Variants in ADGRG2 observed in about 807,000 individuals in gnomAD.
ADGRG2 encodes the protein adhesion G protein-coupled receptor G2.
In ADGRG2, 26 loss-of-function variants were observed where a neutral mutation model predicts 74.1. The observed-to-expected ratio is 0.35, with a 90% CI of 0.26 to 0.49. The LOEUF is 0.49. Ranked by LOEUF, ADGRG2 falls within the 20% of genes least tolerant of loss-of-function variation. The pLI is 0.99. For missense variants in ADGRG2, 619 were observed against 763.1 expected, an observed-to-expected ratio of 0.81 and a Z score of 2.22; for synonymous variants, 296 against 295.2, an observed-to-expected ratio of 1.00 and a Z score of -0.03.
chrX:18,992,940 T>G (rs1329286797), intron 28 of ADGRG2, among the ~76,000 whole-genome samples: 1 of 112,019 alleles, frequency 8.9e-6, no homozygotes, highest in Non-Finnish European at 1.9e-5. Flanking sequence ...CAGATGACCC[T>G]GCTCGCTCCT....
chrX:19,101,976 A>G lies in ADGRG2; in HGVS notation c.-46-19230T>C, dbSNP rs969466517. 5.4e-5 allele frequency among the ~76,000 whole-genome samples: 6 copies of G among 110,987 alleles called. No individual in the cohort carries two copies. In the Admixed American group the frequency reaches 5.7e-4, roughly 11 times the overall value. ...AGTGTTCTGATTGCCTGAGCTAATT[A>G]TCCACAAGCAGCTGTTCCCAGCAAT... On this transcript the variant is annotated intron_variant, in intron 1 of 28. Coordinates refer to ENST00000379869, the MANE Select transcript of ADGRG2 (RefSeq NM_001079858.3).
rs768512200 is a variant in ADGRG2, at chrX:19,007,270, C to T, written c.1654G>A (p.Val552Met). 5 of 1,208,530 alleles carry T rather than the reference C, an allele frequency of 4.1e-6. No individual in the cohort carries two copies. Among genetic ancestry groups the T allele is most frequent in the South Asian group, 3.5e-5 (2 of 56,797 alleles). The part of the protein sequence containing the change: ...NLTVRNLTRN[V>M]TVTLKHINPS... The stretch of plus-strand genomic sequence containing the variant: ...TTGATGTGCTTTAATGTGACTGTCA[C>T]GTTTCTTGTCAAGTTCCTGACGGTC... The change falls in exon 20 of 29, where the codon GTG (valine) becomes ATG (methionine). Residue 552 changes from valine to methionine, a missense_variant. Val to Met is a conservative substitution (Grantham distance 21). This residue lies in a region of ADGRG2 where 221 missense variants were observed against 340.6 expected (regional missense o/e 0.65). Coordinates refer to ENST00000379869, the MANE Select transcript of ADGRG2 (RefSeq NM_001079858.3).
chrX:19,047,536 A>G (rs770925434), intron 3 of ADGRG2, among the ~76,000 whole-genome samples: 1 of 112,352 alleles, frequency 8.9e-6, no homozygotes, highest in South Asian at 3.7e-4. Flanking sequence ...TTCTTCCCCA[A>G]GTTGGATGGG....
intron 3 of ADGRG2, among the ~76,000 whole-genome samples, chrX:19,041,336 T>C (rs1176810279): frequency 8.9e-6 from 1 of 112,198 alleles, no homozygotes; most frequent in Admixed American, 9.5e-5. Context: ...AAATGTTGTT[T>C]GCAAAATGCC....
chrX:19,079,258 T>C (rs2061804434), intron 2 of ADGRG2, among the ~76,000 whole-genome samples: 1 of 111,714 alleles, frequency 9.0e-6, no homozygotes, highest in Admixed American at 9.5e-5. Context: ...TGAACTCACT[T>C]TTACAAGGCT....
intron 3 of ADGRG2, among the ~76,000 whole-genome samples, chrX:19,063,070 C>G (rs972299652): frequency 1.8e-5 from 2 of 109,922 alleles, no homozygotes; most frequent in Non-Finnish European, 3.8e-5. Context: ...GTGCCAAAAC[C>G]CATTCTGGTA....
chrX:19,116,662 T>C (rs1267485780), intron 1 of ADGRG2, among the ~76,000 whole-genome samples: 3 of 110,356 alleles, frequency 2.7e-5, no homozygotes, highest in Non-Finnish European at 5.7e-5. Flanking sequence ...AAGAGAGAAA[T>C]AGGTAGTTAC....
intron 20 of ADGRG2, among the ~76,000 whole-genome samples, chrX:19,006,628 T>C (rs1054025734): frequency 9.0e-6 from 1 of 110,815 alleles, no homozygotes; most frequent in African/African-American, 3.3e-5. Flanking sequence ...TCGTAGATGA[T>C]GCTTAGTGTG....
chrX:19,086,851 G>C (rs1339707697), intron 1 of ADGRG2, among the ~76,000 whole-genome samples: 2 of 111,738 alleles, frequency 1.8e-5, no homozygotes, highest in Non-Finnish European at 3.8e-5. Context: ...GACAGGCACA[G>C]ACTGGCTCGA....
At chrX:19,008,292 G>A (rs958239438) in intron 18 of ADGRG2, among the ~76,000 whole-genome samples, 169 bp from the exon 19 acceptor site, 2 of 111,518 alleles carry the variant, frequency 1.8e-5, no homozygotes, top group Non-Finnish European at 3.8e-5. Context: ...AAAACGCAGG[G>A]TTCTGTAAGG....
At chrX:19,020,971 G>A in intron 14 of ADGRG2, 133 bp downstream of exon 14, 1 of 469,759 alleles carries the variant, frequency 2.1e-6, no homozygotes, top group Non-Finnish European at 3.6e-6. Flanking sequence ...AAAAGAGAGA[G>A]AAATTGCCCA....
chrX:19,097,333 A>G (rs1236731868), intron 1 of ADGRG2, among the ~76,000 whole-genome samples: 7 of 112,408 alleles, frequency 6.2e-5, no homozygotes, highest in African/African-American at 1.9e-4. Flanking sequence ...CCAACATGGC[A>G]AAACCCCATC....
intron 14 of ADGRG2, 114 bp downstream of exon 14, chrX:19,020,990 G>T: frequency 2.0e-6 from 1 of 507,649 alleles, no homozygotes; most frequent in East Asian, 3.8e-5. Flanking sequence ...CAAGGACAAA[G>T]GAGTCAAAAC....
intron 3 of ADGRG2, among the ~76,000 whole-genome samples, chrX:19,054,197 G>C (rs1254085579): frequency 2.7e-5 from 3 of 111,993 alleles, no homozygotes; most frequent in Non-Finnish European, 3.8e-5. Context: ...TTTGCTTCCA[G>C]TTTCTAAAAT....
intron 20 of ADGRG2, among the ~76,000 whole-genome samples, chrX:19,006,647 T>C (rs1258098551): frequency 9.1e-6 from 1 of 110,351 alleles, no homozygotes; most frequent in East Asian, 2.8e-4. Flanking sequence ...TGAACTGAGC[T>C]GAGAATCAGA....
intron 13 of ADGRG2, among the ~76,000 whole-genome samples, chrX:19,022,869 G>A (rs988317390): frequency 9.0e-6 from 1 of 111,378 alleles, no homozygotes; most frequent in African/African-American, 3.3e-5. Context: ...GCTAATTTTT[G>A]TATTTTTAGT....
At chrX:19,068,630 C>G in intron 3 of ADGRG2, 87 bp downstream of exon 3, 1 of 454,897 alleles carries the variant, frequency 2.2e-6, no homozygotes, top group Non-Finnish European at 3.8e-6. Flanking sequence ...TGTTATTTTA[C>G]CACAGTAAAA....
Position 18,990,847 on chromosome X carries a change from A to AT in ADGRG2, c.*16dup, listed in dbSNP as rs1263746868. On this transcript the variant is annotated 3_prime_UTR_variant, in exon 29 of 29. Transcript: ENST00000379869. Reference sequence around the variant, plus strand: ...TCACACTGTCAAGCATCATGCTTTGATTTTAGAAGAAAGGAATCACATTTG... The same window carrying AT: ...TCACACTGTCAAGCATCATGCTTTGATTTTTAGAAGAAAGGAATCACATTTG... The AT allele has an allele frequency of 1.7e-6, 2 of 1,145,885 alleles. No homozygotes were observed. The highest frequency in any genetic ancestry group is 3.6e-5 in the African/African-American group (2 of 55,816). The allele number at this position is 1,145,885 out of a possible 1,213,427, so 94.4% of individuals were successfully genotyped here.
At chrX:19,013,190 A>G (rs947246395) in intron 16 of ADGRG2, among the ~76,000 whole-genome samples, 1 of 110,764 alleles carries the variant, frequency 9.0e-6, no homozygotes, top group African/African-American at 3.3e-5. Context: ...AGACCTGCCA[A>G]TTTTTTCTTT....
Sources: gnomAD v4.1 joint callset for allele counts (sites outside exome capture counted in the v4.1 genomes callset) on GRCh38, gnomAD v4.1.1 for gene constraint, gnomAD v4.1.1 regional missense constraint, MANE v1.5 for transcripts, NCBI Gene and HGNC (gene_info 2026-07-23, HGNC 2026-07-21) for gene names.